The following EVA1C variants were observed in gnomAD, a reference collection of about 807,000 sequenced individuals.
The protein encoded by EVA1C is eva-1 homolog C.
EVA1C carries 25 observed loss-of-function variants against 45.4 expected under a neutral mutation model. The observed-to-expected ratio is 0.55, with a 90% CI of 0.40 to 0.77. The LOEUF (loss-of-function observed/expected upper bound fraction) is 0.77. Among genes scored for constraint, EVA1C ranks in the 30% least tolerant of loss-of-function variants. The pLI, the probability that EVA1C is intolerant of heterozygous loss-of-function variation, is 0.00. For synonymous variants in EVA1C, 190 were observed against 221.2 expected, an observed-to-expected ratio of 0.86 and a Z score of 1.25; for missense variants, 479 against 554.8, an observed-to-expected ratio of 0.86 and a Z score of 1.37.
chr21:32,495,270 C>A, intron 5 of EVA1C, 100 bp downstream of exon 5: 1 of 1,247,140 alleles, frequency 8.0e-7, no homozygotes. Flanking sequence ...ACAAGCCAAA[C>A]ACTGCTCCTC....
rs576350338 is a variant in EVA1C at position 32,474,186 on chromosome 21, T to G, written c.634+6338T>G. ...GCCTCAGCCTCCTAAAGTGCTGGGA[T>G]TGCAGGCGTGAGCCACTGAGCCCGA... On this transcript the variant is annotated intron_variant, in intron 4 of 7. Coordinates refer to ENST00000300255, the MANE Select transcript of EVA1C (RefSeq NM_058187.5). The surrounding 1 kb of genome is among the most constrained non-coding windows in gnomAD (Gnocchi z 4.4). 3.7e-4 allele frequency among the ~76,000 whole-genome samples: 57 copies of G among 152,298 alleles called. 1 individual carries two copies. The highest frequency in any genetic ancestry group is 1.4e-3 in the African/African-American group (57 of 41,576).
intron 1 of EVA1C, among the ~76,000 whole-genome samples, chr21:32,421,137 G>GA (rs1021639809): frequency 9.5e-6 from 1 of 105,132 alleles, no homozygotes; most frequent in Non-Finnish European, 2.0e-5. Flanking sequence ...TAAAATATAA[G>GA]AAAAATCTTT....
intron 1 of EVA1C, among the ~76,000 whole-genome samples, chr21:32,437,736 G>A (rs2035014496): frequency 6.6e-6 from 1 of 152,084 alleles, no homozygotes; most frequent in African/African-American, 2.4e-5. Context: ...GTCAGATGTA[G>A]CCGTTTTTGC....
At chr21:32,478,995 T>C (rs1288030966) in intron 4 of EVA1C, among the ~76,000 whole-genome samples, 2 of 152,266 alleles carry the variant, frequency 1.3e-5, no homozygotes, top group African/African-American at 4.8e-5. Flanking sequence ...AGCCTTATTA[T>C]CTAAATAAAC....
intron 1 of EVA1C, among the ~76,000 whole-genome samples, chr21:32,443,103 C>T (rs929335354): frequency 1.3e-5 from 2 of 151,952 alleles, no homozygotes; most frequent in African/African-American, 2.4e-5. Context: ...AGGGCAGCCA[C>T]GGGGCTATGT....
At position 32,499,772 on chromosome 21, in the gene EVA1C, C is replaced by T. The variant is rs980949030; in HGVS notation, c.779-1643C>T. 9.8e-5 allele frequency among the ~76,000 whole-genome samples: 15 copies of T among 152,304 alleles called. No individual in the cohort carries two copies. In the South Asian group the frequency reaches 3.1e-3, roughly 32 times the overall value. Reference sequence around the variant, plus strand: ...AGCAATTTTATGCAGCAGGAATATTCGGTTTCCACTCCCTTCTCCCAGCCT... The same window carrying T: ...AGCAATTTTATGCAGCAGGAATATTTGGTTTCCACTCCCTTCTCCCAGCCT... On this transcript the variant is annotated intron_variant, in intron 5 of 7. Transcript: ENST00000300255.
intron 7 of EVA1C, among the ~76,000 whole-genome samples, chr21:32,506,873 C>T (rs1345504455): frequency 2.6e-5 from 4 of 152,114 alleles, no homozygotes; most frequent in Non-Finnish European, 5.9e-5. Context: ...GGGATGTGAC[C>T]CACGGGATGA....
At chr21:32,417,022 G>A (rs552806167) in intron 1 of EVA1C, among the ~76,000 whole-genome samples, 1 of 152,288 alleles carries the variant, frequency 6.6e-6, no homozygotes, top group South Asian at 2.1e-4. Flanking sequence ...GTGGCTATTT[G>A]CAGGTGCAGT....
chr21:32,444,193 A>G (rs1162405919), intron 1 of EVA1C, among the ~76,000 whole-genome samples: 3 of 152,204 alleles, frequency 2.0e-5, no homozygotes, highest in Non-Finnish European at 4.4e-5. Context: ...ACAAGCAAAC[A>G]ATCAATTCTG....
At chr21:32,501,849 TA>T (rs2037539723) in intron 6 of EVA1C, among the ~76,000 whole-genome samples, 1 of 152,158 alleles carries the variant, frequency 6.6e-6, no homozygotes, top group Non-Finnish European at 1.5e-5. Flanking sequence ...GGAACCTGCG[TA>T]GGCGCCAGGG....
At chr21:32,423,166 G>A (rs1458314649) in intron 1 of EVA1C, among the ~76,000 whole-genome samples, 1 of 151,762 alleles carries the variant, frequency 6.6e-6, no homozygotes, top group Non-Finnish European at 1.5e-5. Flanking sequence ...TTCCTGCTGA[G>A]GGAGTATAAT....
At chr21:32,448,029 C>T (rs1266097554) in intron 1 of EVA1C, among the ~76,000 whole-genome samples, 2 of 152,080 alleles carry the variant, frequency 1.3e-5, no homozygotes, top group Non-Finnish European at 2.9e-5. Flanking sequence ...TCAACCTTTT[C>T]CGAACAAGCT....
chr21:32,477,181 C>T (rs570656296), intron 4 of EVA1C, among the ~76,000 whole-genome samples: 40 of 152,220 alleles, frequency 2.6e-4, no homozygotes, highest in South Asian at 4.2e-4. Context: ...AAGCTCTGCC[C>T]TGAAGACGCA....
At chr21:32,455,456 G>C (rs982529158) in intron 2 of EVA1C, among the ~76,000 whole-genome samples, 1 of 151,960 alleles carries the variant, frequency 6.6e-6, no homozygotes, top group African/African-American at 2.4e-5. Context: ...TTTTGGGGGG[G>C]ATAAACATTC....
In EVA1C at chr21:32,412,719, C is replaced by T. The variant is rs1357774993; in HGVS notation, c.-135C>T. ...GCCCGCGCAGGGGAGGAGGCTCTGGCAGCCTGGGCAGGGAGGCGGCGGGGG... is the reference window on the plus strand; with the variant it reads ...GCCCGCGCAGGGGAGGAGGCTCTGGTAGCCTGGGCAGGGAGGCGGCGGGGG... On this transcript the variant is annotated 5_prime_UTR_variant, in exon 1 of 8. Coordinates refer to ENST00000300255, the MANE Select transcript of EVA1C (RefSeq NM_058187.5). 1.1e-6 allele frequency: 1 copy of T among 926,792 alleles called. No individual in the cohort carries two copies. Among genetic ancestry groups the T allele is most frequent in the Non-Finnish European group, 1.5e-6 (1 of 687,198 alleles). 57.4% of individuals were successfully genotyped at this position (926,792 alleles called of 1,614,324 possible).
chr21:32,422,317 AACATGGAAGAAAAGTCATAAG>A, intron 1 of EVA1C, among the ~76,000 whole-genome samples: 1 of 152,324 alleles, frequency 6.6e-6, no homozygotes, highest in Non-Finnish European at 1.5e-5. Context: ...ACATATGGAA[AACATGGAAGAAAAGTCATAAG>A]ACATGGAGGA....
At chr21:32,491,594 G>C (rs2037159437) in intron 4 of EVA1C, among the ~76,000 whole-genome samples, 1 of 145,168 alleles carries the variant, frequency 6.9e-6, no homozygotes, top group Non-Finnish European at 1.5e-5. Context: ...TGGGGCAAGA[G>C]AATTGGTTGA....
At chr21:32,472,485 T>C (rs1174677559) in intron 4 of EVA1C, among the ~76,000 whole-genome samples, 1 of 151,916 alleles carries the variant, frequency 6.6e-6, no homozygotes, top group Non-Finnish European at 1.5e-5. Flanking sequence ...AAAGGAAAAG[T>C]ATACCAGACG....
chr21:32,454,499 C>T (rs1180027535), intron 2 of EVA1C, among the ~76,000 whole-genome samples: 1 of 152,092 alleles, frequency 6.6e-6, no homozygotes, highest in African/African-American at 2.4e-5. Context: ...TGGTTTTAGA[C>T]TGTGCATGGC....
Sources: gnomAD v4.1 joint callset for allele counts (sites outside exome capture counted in the v4.1 genomes callset) on GRCh38, gnomAD v4.1.1 for gene constraint, Gnocchi (gnomAD v3.1) non-coding constraint, MANE v1.5 for transcripts, NCBI Gene and HGNC (gene_info 2026-07-23, HGNC 2026-07-21) for gene names.